Variants in SRFBP1 observed in about 807,000 individuals in gnomAD.
The protein encoded by SRFBP1 is serum response factor binding protein 1, also known as serum response factor-binding protein 1.
A neutral mutation model predicts 45.5 loss-of-function variants in SRFBP1; 47 were observed. The observed-to-expected ratio is 1.03, with a 90% CI of 0.82 to 1.32. The LOEUF (loss-of-function observed/expected upper bound fraction) is 1.32. Among genes scored for constraint, SRFBP1 ranks in the 40% most tolerant of loss-of-function variants. SRFBP1 has a pLI of 0.00. For missense variants in SRFBP1, 621 were observed against 484.6 expected, an observed-to-expected ratio of 1.28 and a Z score of -2.64; for synonymous variants, 203 against 166.3, an observed-to-expected ratio of 1.22 and a Z score of -1.70.
intron 3 of SRFBP1, among the ~76,000 whole-genome samples, chr5:121,990,741 A>G (rs919393016): frequency 6.6e-6 from 1 of 152,174 alleles, no homozygotes; most frequent in Admixed American, 6.5e-5. Flanking sequence ...TTCTGTCAAG[A>G]ATATGGAGAA....
chr5:122,041,430 C>A (rs1231813002), intron 2 of SRFBP1, among the ~76,000 whole-genome samples: 1 of 151,402 alleles, frequency 6.6e-6, no homozygotes, highest in Non-Finnish European at 1.5e-5. Context: ...ATTTTGGGCT[C>A]TTGGTCTTTT....
rs35634798 is a variant in SRFBP1 at position 121,986,778 on chromosome 5, GGT to G, written c.199-7820_199-7819del. Among the ~76,000 whole-genome samples the G allele has an allele frequency of 5.2e-3, 786 of 152,036 alleles. 20 individuals are homozygous for G. In the East Asian group the frequency reaches 0.053, roughly 10 times the overall value. On this transcript the variant is annotated intron_variant, in intron 3 of 7. Coordinates refer to ENST00000339397, the MANE Select transcript of SRFBP1 (RefSeq NM_152546.3). ...TAAGAAGTCCTGCTTCATTATTAGT[GGT>G]ATTTAAAAACCAAAATCCAAAACTT...
At chr5:122,074,796 A>G (rs1325425854) in intron 2 of SRFBP1, among the ~76,000 whole-genome samples, 2 of 152,230 alleles carry the variant, frequency 1.3e-5, no homozygotes, top group Non-Finnish European at 2.9e-5. Flanking sequence ...GGAAAAAACA[A>G]TGAGGACTGG....
At chr5:122,073,986 GTTCTGGA>G (rs1235401658) in intron 2 of SRFBP1, 2 of 1,599,488 alleles carry the variant, frequency 1.3e-6, no homozygotes, top group Non-Finnish European at 1.7e-6. Context: ...GAGGCTTGAG[GTTCTGGA>G]TTTCAGGGTG....
intron 4 of SRFBP1, among the ~76,000 whole-genome samples, chr5:121,995,935 C>A (rs913700903): frequency 3.9e-5 from 6 of 152,140 alleles, no homozygotes; most frequent in Non-Finnish European, 4.4e-5. Flanking sequence ...AATTCCTCGA[C>A]ACATACACTC....
intron 2 of SRFBP1, among the ~76,000 whole-genome samples, chr5:122,052,640 G>C (rs1201701914): frequency 6.6e-6 from 1 of 152,096 alleles, no homozygotes; most frequent in Non-Finnish European, 1.5e-5. Flanking sequence ...TCATCTGTCA[G>C]CTCCTGTATC....
rs377500229 is a variant in SRFBP1 at position 122,058,668 on chromosome 5, C to T, written n.312-16647C>T. Among the ~76,000 whole-genome samples, 97 of 151,998 alleles carry T rather than the reference C, an allele frequency of 6.4e-4. 3 individuals carry two copies. In the South Asian group the frequency reaches 0.017, roughly 26 times the overall value. On this transcript the variant is annotated intron_variant and non_coding_transcript_variant, in intron 2 of 2. Coordinates refer to the SRFBP1 transcript ENST00000504881. ...TTCTCACAAAAGCTAACACACTTCC[C>T]CTTAACTAGCTTCTAAAAATGTTGT...
At chr5:122,068,722 A>C (rs1379929845) in intron 2 of SRFBP1, among the ~76,000 whole-genome samples, 1 of 152,154 alleles carries the variant, frequency 6.6e-6, no homozygotes, top group African/African-American at 2.4e-5. Flanking sequence ...ATAAGGCTAC[A>C]GCAGTATAGA....
intron 4 of SRFBP1, among the ~76,000 whole-genome samples, chr5:122,000,884 C>T (rs1420750321): frequency 6.6e-6 from 1 of 152,078 alleles, no homozygotes; most frequent in Non-Finnish European, 1.5e-5. Context: ...TATAAGACTA[C>T]CAAATTTTGG....
At chr5:122,018,619 A>G (rs189585827) in intron 4 of SRFBP1, among the ~76,000 whole-genome samples, 2 of 152,338 alleles carry the variant, frequency 1.3e-5, no homozygotes, top group Admixed American at 1.3e-4. Context: ...ATCAGCTTAG[A>G]GCTCAGGTTG....
intron 2 of SRFBP1, chr5:122,070,345 A>C: frequency 1.5e-6 from 1 of 649,404 alleles, no homozygotes; most frequent in South Asian, 1.9e-5. Flanking sequence ...TCTTTAAAAT[A>C]AGACAGATTA....
rs564582623 is a variant in SRFBP1, at chr5:122,055,962, A to G, written n.312-19353A>G. Among the ~76,000 whole-genome samples, 16 of 152,268 alleles carry G rather than the reference A, an allele frequency of 1.1e-4. No individual in the cohort carries two copies. The South Asian group carries it at 3.1e-3, about 30-fold the overall frequency. On this transcript the variant is annotated intron_variant and non_coding_transcript_variant, in intron 2 of 2. Coordinates refer to the SRFBP1 transcript ENST00000504881. Reference sequence around the variant, plus strand: ...AGAGTTTTGTTTTGTTTATGCCTTCATCTTTATTTAAGGTATCCAAATTCC... The same window carrying G: ...AGAGTTTTGTTTTGTTTATGCCTTCGTCTTTATTTAAGGTATCCAAATTCC...
At chr5:122,063,180 C>G (rs1338455791) in intron 2 of SRFBP1, 1 of 151,874 alleles carries the variant, frequency 6.6e-6, no homozygotes, top group Non-Finnish European at 1.5e-5. Flanking sequence ...TATATAACAA[C>G]AAATGACTAC....
At chr5:122,012,055 C>T (rs1203764392) in intron 4 of SRFBP1, among the ~76,000 whole-genome samples, 1 of 152,066 alleles carries the variant, frequency 6.6e-6, no homozygotes, top group African/African-American at 2.4e-5. Flanking sequence ...GAGTTGAAAA[C>T]TTGTTGAGAA....
intron 2 of SRFBP1, among the ~76,000 whole-genome samples, chr5:122,056,321 G>T (rs1754077340): frequency 6.6e-6 from 1 of 152,104 alleles, no homozygotes; most frequent in Non-Finnish European, 1.5e-5. Flanking sequence ...TGTAAATAAG[G>T]AAGAAGAGAG....
At chr5:121,970,092 C>T (rs950424308) in intron 1 of SRFBP1, among the ~76,000 whole-genome samples, 5 of 152,100 alleles carry the variant, frequency 3.3e-5, no homozygotes, top group Non-Finnish European at 5.9e-5. Context: ...GCCAACTTTA[C>T]AATTCCTGGG....
At chr5:121,964,115 T>C (rs1752009846) in intron 1 of SRFBP1, among the ~76,000 whole-genome samples, 1 of 152,164 alleles carries the variant, frequency 6.6e-6, no homozygotes, top group Non-Finnish European at 1.5e-5. Flanking sequence ...TTTCAATTCT[T>C]TTCCATCACC....
chr5:121,986,358 A>G (rs1384281405), intron 3 of SRFBP1, among the ~76,000 whole-genome samples: 1 of 152,066 alleles, frequency 6.6e-6, no homozygotes, highest in African/African-American at 2.4e-5. Flanking sequence ...TAATTGGGAC[A>G]AAAGCCAATG....
chr5:122,007,529 G>T (rs1753003764), intron 4 of SRFBP1, among the ~76,000 whole-genome samples: 1 of 152,028 alleles, frequency 6.6e-6, no homozygotes, highest in Non-Finnish European at 1.5e-5. Context: ...CGGTCTGTTG[G>T]TGCCAGCCTA....
Sources: gnomAD v4.1 joint callset for allele counts (sites outside exome capture counted in the v4.1 genomes callset) on GRCh38, gnomAD v4.1.1 for gene constraint, MANE v1.5 for transcripts, NCBI Gene and HGNC (gene_info 2026-07-23, HGNC 2026-07-21) for gene names.